Variants in DOCK4 observed in about 807,000 individuals in gnomAD.
DOCK4 encodes dedicator of cytokinesis protein 4.
DOCK4 carries 97 observed loss-of-function variants against 268.1 expected under a neutral mutation model. The observed-to-expected ratio is 0.36, with a 90% confidence interval of 0.31 to 0.43. The LOEUF is 0.43. Ranked by LOEUF, DOCK4 falls within the 20% of genes least tolerant of loss-of-function variation. The probability of loss-of-function intolerance (pLI) is 1.00; values close to 1 mark genes in which losing one functional copy is unlikely to be tolerated. For synonymous variants in DOCK4, 954 were observed against 887.2 expected, an observed-to-expected ratio of 1.08 and a Z score of -1.34; for missense variants, 2,145 against 2,455.7, an observed-to-expected ratio of 0.87 and a Z score of 2.67.
intron 25 of DOCK4, chr7:111,840,942 C>G (rs1803638351): frequency 1.3e-6 from 1 of 794,572 alleles, no homozygotes; most frequent in Admixed American, 2.4e-5. Flanking sequence ...AAGACAAGAC[C>G]AGGGCATATT....
At chr7:111,977,444 A>G (rs1442335375) in intron 7 of DOCK4, among the ~76,000 whole-genome samples, 161 bp from the exon 8 acceptor site, 1 of 152,140 alleles carries the variant, frequency 6.6e-6, no homozygotes, top group African/African-American at 2.4e-5. Context: ...TATACATTCT[A>G]TGTCTTTCAG....
chr7:111,887,498 C>T (rs546943033), intron 16 of DOCK4, among the ~76,000 whole-genome samples: 2 of 152,178 alleles, frequency 1.3e-5, no homozygotes, highest in African/African-American at 4.8e-5. Flanking sequence ...AACTCAGGAG[C>T]ACATCGTCAG....
chr7:111,872,214 A>T (rs1806487914), intron 19 of DOCK4, 55 bp downstream of exon 19: 7 of 1,410,318 alleles, frequency 5.0e-6, no homozygotes, highest in Admixed American at 2.4e-5. Flanking sequence ...GCCTCATGAA[A>T]GTCAAGATTG....
intron 23 of DOCK4, among the ~76,000 whole-genome samples, chr7:111,855,405 A>G (rs1266688691): frequency 6.6e-6 from 1 of 152,154 alleles, no homozygotes; most frequent in Admixed American, 6.5e-5. Flanking sequence ...AGGGAGAAGG[A>G]ATGACTCTGA....
At chr7:112,109,290 C>T (rs958479313) in intron 1 of DOCK4, among the ~76,000 whole-genome samples, 3 of 152,152 alleles carry the variant, frequency 2.0e-5, no homozygotes, top group African/African-American at 7.2e-5. Context: ...AAAAACCTTT[C>T]CCAAGTACCA....
rs151284701 is a variant in DOCK4 at position 112,161,344 on chromosome 7, G to A, written c.37+44758C>T. On this transcript the variant is annotated intron_variant, in intron 1 of 52. Transcript: ENST00000428084. ...TAAGAAAATTTCATACACTGTACCA[G>A]GTAACCTGGATGCTAACAGCATGAA... 9.9e-4 allele frequency among the ~76,000 whole-genome samples: 150 copies of A among 152,252 alleles called. 2 individuals are homozygous for A. Among genetic ancestry groups the A allele is most frequent in the African/African-American group, 3.6e-3 (148 of 41,546 alleles).
intron 4 of DOCK4, among the ~76,000 whole-genome samples, chr7:111,994,898 T>C (rs1037093265): frequency 1.3e-5 from 2 of 152,184 alleles, no homozygotes; most frequent in Non-Finnish European, 2.9e-5. Context: ...TAGAGTAACG[T>C]AGTCTTCTCA....
At chr7:111,810,823 C>A (rs373714158) in intron 28 of DOCK4, among the ~76,000 whole-genome samples, 1 of 151,928 alleles carries the variant, frequency 6.6e-6, no homozygotes, top group African/African-American at 2.4e-5. Context: ...ATGGCAAAAC[C>A]CCATACTACT....
chr7:111,940,081 C>A (rs772820547), intron 11 of DOCK4, 29 bp downstream of exon 11: 1 of 1,613,336 alleles, frequency 6.2e-7, no homozygotes, highest in South Asian at 1.1e-5. Context: ...TGTGCCTACC[C>A]CAGCCATCAC....
chr7:112,197,267 T>C (rs1162856720), intron 1 of DOCK4, among the ~76,000 whole-genome samples: 6 of 150,498 alleles, frequency 4.0e-5, no homozygotes, highest in South Asian at 2.1e-4. Context: ...AGAATTCTTG[T>C]GGTTCCTAAG....
chr7:112,137,832 T>C (rs1814505089), intron 1 of DOCK4, among the ~76,000 whole-genome samples: 1 of 152,222 alleles, frequency 6.6e-6, no homozygotes, highest in African/African-American at 2.4e-5. Context: ...CACCTCTTTA[T>C]AATTTTAGTT....
chr7:111,770,177 A>C (rs1351168000), intron 36 of DOCK4, among the ~76,000 whole-genome samples: 1 of 151,454 alleles, frequency 6.6e-6, no homozygotes, highest in East Asian at 1.9e-4. Flanking sequence ...GAGTGGAGGC[A>C]GAATTTACAA....
intron 45 of DOCK4, 129 bp downstream of exon 45, chr7:111,741,884 G>A: frequency 7.5e-7 from 1 of 1,333,152 alleles, no homozygotes. Context: ...GTATTTGAGG[G>A]CTCCCTGGTA....
At chr7:111,844,739 G>A (rs371317899) in intron 25 of DOCK4, 24 bp downstream of exon 25, 22 of 1,601,416 alleles carry the variant, frequency 1.4e-5, no homozygotes, top group Admixed American at 1.7e-5. Flanking sequence ...CCTGTTCCAC[G>A]TGCCATCTGC....
chr7:111,857,901 G>A (rs1805144485), intron 23 of DOCK4, among the ~76,000 whole-genome samples: 2 of 152,164 alleles, frequency 1.3e-5, no homozygotes, highest in South Asian at 4.1e-4. Flanking sequence ...AATAAAATCT[G>A]GGGGAGAAAG....
intron 27 of DOCK4, among the ~76,000 whole-genome samples, chr7:111,815,611 T>TTTATTTATGTATTTCC (rs1357180943): frequency 1.3e-5 from 2 of 151,098 alleles, no homozygotes; most frequent in African/African-American, 4.9e-5. Flanking sequence ...CATTTATTTA[T>TTTATTTATGTATTTCC]TTCCTTCCTT....
intron 7 of DOCK4, among the ~76,000 whole-genome samples, chr7:111,983,673 T>C (rs1184264176): frequency 1.3e-5 from 2 of 151,966 alleles, no homozygotes; most frequent in Non-Finnish European, 2.9e-5. Context: ...AAGTCATAAG[T>C]GAGACCATGA....
intron 1 of DOCK4, among the ~76,000 whole-genome samples, chr7:112,077,048 A>C (rs561556293): frequency 6.6e-6 from 1 of 152,242 alleles, no homozygotes; most frequent in African/African-American, 2.4e-5. Context: ...AATGGGAAAC[A>C]GGGAGAGAAA....
At chr7:111,963,059 T>A (rs1031735770) in intron 8 of DOCK4, among the ~76,000 whole-genome samples, 1 of 152,108 alleles carries the variant, frequency 6.6e-6, no homozygotes, top group African/African-American at 2.4e-5. Flanking sequence ...AATAGATTAG[T>A]CCCAAGACAA....
Sources: allele counts gnomAD v4.1 joint callset (sites outside exome capture counted in the v4.1 genomes callset), GRCh38; gene constraint gnomAD v4.1.1; transcripts MANE v1.5; gene names NCBI Gene and HGNC (gene_info 2026-07-23, HGNC 2026-07-21).